DCDC2C: variants seen among roughly 807,000 people sequenced by gnomAD.
The protein encoded by DCDC2C is doublecortin domain containing 2C, also known as doublecortin domain-containing protein 2C.
A neutral mutation model predicts 45.0 loss-of-function variants in DCDC2C; 44 were observed. That is an observed-to-expected ratio of 0.98 (90% confidence interval 0.77 to 1.26). DCDC2C has a LOEUF of 1.26. DCDC2C is among the 50% of genes most tolerant of loss of function. The pLI, the probability that DCDC2C is intolerant of heterozygous loss-of-function variation, is 0.00. For missense variants in DCDC2C, 447 were observed against 468.9 expected (o/e 0.95, Z 0.43); for synonymous variants, 187 against 178.8 (o/e 1.05, Z -0.37).
chr2:3,746,669 C>G (rs1044865131), intron 4 of DCDC2C, among the ~76,000 whole-genome samples: 1 of 152,298 alleles, frequency 6.6e-6, no homozygotes, highest in South Asian at 2.1e-4. Context: ...AACAAAACAT[C>G]TGGAAGAACA....
At chr2:3,763,795 C>T (rs1291642099) in intron 6 of DCDC2C, among the ~76,000 whole-genome samples, 4 of 152,194 alleles carry the variant, frequency 2.6e-5, no homozygotes, top group Non-Finnish European at 5.9e-5. Context: ...GCGCTTGGTG[C>T]TACCCATGTG....
chr2:3,752,389 T>C (rs1023988320), intron 4 of DCDC2C, among the ~76,000 whole-genome samples: 3 of 152,234 alleles, frequency 2.0e-5, no homozygotes, highest in African/African-American at 7.2e-5. Context: ...TATTATTTGC[T>C]AATAAATCCT....
At chr2:3,778,250 C>T (rs1209297210) in intron 8 of DCDC2C, among the ~76,000 whole-genome samples, 1 of 152,258 alleles carries the variant, frequency 6.6e-6, no homozygotes, top group Non-Finnish European at 1.5e-5. Flanking sequence ...ATTGCAGCCT[C>T]ATCAGCCTGT....
At chr2:3,842,356 T>C (rs529064795) in intron 10 of DCDC2C, among the ~76,000 whole-genome samples, 4 of 151,814 alleles carry the variant, frequency 2.6e-5, no homozygotes, top group African/African-American at 9.7e-5. Flanking sequence ...CAGCAATTTA[T>C]AGAACGTGTT....
chr2:3,743,621 A>G, intron 4 of DCDC2C, among the ~76,000 whole-genome samples: 1 of 152,242 alleles, frequency 6.6e-6, no homozygotes, highest in East Asian at 1.9e-4. Flanking sequence ...AAATATTTGG[A>G]AATTTAACAG....
chr2:3,771,990 T>C (rs1305392264), intron 8 of DCDC2C, among the ~76,000 whole-genome samples: 1 of 152,244 alleles, frequency 6.6e-6, no homozygotes, highest in African/African-American at 2.4e-5. Context: ...TGTTTTTGAG[T>C]AATGATTTCA....
At chr2:3,768,916 C>T in intron 7 of DCDC2C, 1 of 166,416 alleles carries the variant, frequency 6.0e-6, no homozygotes, top group Non-Finnish European at 1.3e-5. Context: ...CTTTGCTGTC[C>T]AGTGGGGTTA....
chr2:3,770,350 C>A (rs77560719), intron 8 of DCDC2C, among the ~76,000 whole-genome samples: 15,414 of 152,214 alleles, frequency 0.1, 1,061 homozygotes, highest in East Asian at 0.3. Flanking sequence ...AACTTTGGCA[C>A]TTTGTTTTTT....
chr2:3,774,770 A>AT (rs5828891), intron 8 of DCDC2C, among the ~76,000 whole-genome samples: 12,664 of 146,480 alleles, frequency 0.086, 660 homozygotes, highest in East Asian at 0.24. Context: ...TGAATTTTTG[A>AT]TTTTTTTTTT....
chr2:3,768,876 A>C (rs371808666), intron 7 of DCDC2C, among the ~76,000 whole-genome samples: 32 of 152,316 alleles, frequency 2.1e-4, no homozygotes, highest in African/African-American at 7.5e-4. Context: ...ACCTGGCTGA[A>C]GCTGCATTTT....
intron 6 of DCDC2C, among the ~76,000 whole-genome samples, chr2:3,765,970 C>T (rs971939914): frequency 9.9e-5 from 15 of 152,106 alleles, no homozygotes; most frequent in African/African-American, 3.4e-4. Context: ...ACATTTCCTG[C>T]GTGTGCTTGG....
intron 9 of DCDC2C, among the ~76,000 whole-genome samples, chr2:3,784,354 A>G (rs1036149568): frequency 3.3e-5 from 5 of 152,172 alleles, no homozygotes; most frequent in Admixed American, 3.3e-4. Flanking sequence ...TTAAACCATT[A>G]TCATAGCTAG....
intron 6 of DCDC2C, among the ~76,000 whole-genome samples, chr2:3,764,280 A>G (rs146591941): frequency 0.011 from 1,662 of 152,328 alleles, 16 homozygotes; most frequent in South Asian, 0.03. Context: ...GTCCTCATTT[A>G]GTGTTTGGGG....
intron 6 of DCDC2C, among the ~76,000 whole-genome samples, chr2:3,757,744 C>T (rs1225077121): frequency 6.6e-6 from 1 of 152,168 alleles, no homozygotes; most frequent in Non-Finnish European, 1.5e-5. Flanking sequence ...CTCACCCAGC[C>T]CTCCTGCTCA....
At chr2:3,815,874 T>A (rs1671545851) in intron 10 of DCDC2C, among the ~76,000 whole-genome samples, 2 of 152,234 alleles carry the variant, frequency 1.3e-5, no homozygotes, top group South Asian at 4.1e-4. Flanking sequence ...GCCATCTGGA[T>A]GTATACATGC....
At chr2:3,765,132 T>C (rs1669978954) in intron 6 of DCDC2C, among the ~76,000 whole-genome samples, 1 of 152,238 alleles carries the variant, frequency 6.6e-6, no homozygotes, top group Non-Finnish European at 1.5e-5. Context: ...GATATTGGCC[T>C]GCAGAATCTG....
chr2:3,745,999 A>T (rs1486956253), intron 4 of DCDC2C, among the ~76,000 whole-genome samples: 2 of 152,090 alleles, frequency 1.3e-5, no homozygotes, highest in East Asian at 1.9e-4. Flanking sequence ...GTATCCAAAT[A>T]GCTCAGAGAA....
At chr2:3,782,555 T>A (rs962496298) in intron 9 of DCDC2C, among the ~76,000 whole-genome samples, 1 of 151,802 alleles carries the variant, frequency 6.6e-6, no homozygotes, top group African/African-American at 2.4e-5. Flanking sequence ...CTCGGCTCAC[T>A]GCAAGCTCCG....
At chr2:3,800,616 T>A (rs1323547654) in intron 10 of DCDC2C, among the ~76,000 whole-genome samples, 5 of 124,018 alleles carry the variant, frequency 4.0e-5, no homozygotes, top group East Asian at 3.8e-4. Context: ...AAGTGCTTTT[T>A]CTTGAGATAA....
Sources: allele counts gnomAD v4.1 joint callset (sites outside exome capture counted in the v4.1 genomes callset), GRCh38; gene constraint gnomAD v4.1.1; transcripts MANE v1.5; gene names NCBI Gene and HGNC (gene_info 2026-07-23, HGNC 2026-07-21).